Variants in ARIH1 observed in about 807,000 individuals in gnomAD.
ARIH1 encodes the protein ariadne RBR E3 ubiquitin protein ligase 1.
A neutral mutation model predicts 85.0 loss-of-function variants in ARIH1; 8 were observed. The ratio of observed to expected loss-of-function variants is 0.09; its 90% CI spans 0.06 to 0.17. The LOEUF (loss-of-function observed/expected upper bound fraction) is 0.17, where lower values mean the gene tolerates loss of function less well. ARIH1 is among the 10% of genes least tolerant of loss of function. The pLI is 1.00. For missense variants in ARIH1, 311 were observed against 718.1 expected, an observed-to-expected ratio of 0.43 and a Z score of 6.48; for synonymous variants, 238 against 253.6, an observed-to-expected ratio of 0.94 and a Z score of 0.59.
rs2064259191 is a variant in ARIH1 at position 72,573,949 on chromosome 15, T to C, written c.1215+1784T>C. On this transcript the variant is annotated intron_variant, in intron 11 of 13. Transcript: ENST00000379887. ...CTTAAGTCATATCCCACTAACTTTC[T>C]ATATATTTCTATATTTCCAACATTA... Among the ~76,000 whole-genome samples the C allele has an allele frequency of 2.0e-5, 3 of 152,250 alleles. No homozygotes were observed. The South Asian group carries it at 6.2e-4, about 31-fold the overall frequency.
intron 11 of ARIH1, among the ~76,000 whole-genome samples, chr15:72,573,338 A>G (rs766224825): frequency 1.9e-4 from 29 of 152,132 alleles, no homozygotes; most frequent in Middle Eastern, 6.3e-3. Context: ...AGGCAGGCGG[A>G]TCACCTGAGG....
chr15:72,513,074 A>T (rs2063957234), intron 1 of ARIH1, among the ~76,000 whole-genome samples: 1 of 152,090 alleles, frequency 6.6e-6, no homozygotes, highest in Non-Finnish European at 1.5e-5. Flanking sequence ...GCTGTTATGG[A>T]CAGCATAGAG....
At chr15:72,556,410 A>G (rs80081913) in intron 5 of ARIH1, among the ~76,000 whole-genome samples, 1 of 152,226 alleles carries the variant, frequency 6.6e-6, no homozygotes, top group African/African-American at 2.4e-5. Flanking sequence ...GAATACCTCA[A>G]TAAGTAGAAA....
chr15:72,568,606 G>A (rs918085075), intron 9 of ARIH1, among the ~76,000 whole-genome samples: 1 of 152,018 alleles, frequency 6.6e-6, no homozygotes, highest in African/African-American at 2.4e-5. Context: ...GGTTTTAGAA[G>A]CTTTTAAGAT....
At chr15:72,492,410 C>T (rs894987789) in intron 1 of ARIH1, among the ~76,000 whole-genome samples, 15 of 152,014 alleles carry the variant, frequency 9.9e-5, no homozygotes, top group South Asian at 4.1e-4. Context: ...TTATTTTGCT[C>T]GGTAATGAGA....
chr15:72,531,380 G>A (rs1193692663), intron 2 of ARIH1, among the ~76,000 whole-genome samples: 1 of 152,062 alleles, frequency 6.6e-6, no homozygotes, highest in East Asian at 1.9e-4. Flanking sequence ...GCATTCTAGG[G>A]CCTCAGCTTT....
At chr15:72,544,550 A>G (rs2064120669) in intron 2 of ARIH1, among the ~76,000 whole-genome samples, 2 of 151,366 alleles carry the variant, frequency 1.3e-5, no homozygotes, top group Admixed American at 1.3e-4. Context: ...TAGTTTACAT[A>G]CATACACACA....
rs2064308202 is a variant in ARIH1 at position 72,584,539 on chromosome 15, G to A, written c.*1247G>A. 1 of 152,032 alleles carries A rather than the reference G, an allele frequency of 6.6e-6. No homozygotes were observed. The highest frequency in any genetic ancestry group is 2.4e-5 in the African/African-American group (1 of 41,382). 9.4% of individuals were successfully genotyped at this position (152,032 alleles called of 1,614,324 possible). ...GAATGTTTTGCTTTAAATATAAATA[G>A]CCATTCATTTAGTCTCAGATTGTGA... On this transcript the variant is annotated 3_prime_UTR_variant, in exon 14 of 14. Transcript: ENST00000379887.
intron 2 of ARIH1, among the ~76,000 whole-genome samples, chr15:72,530,277 A>G (rs971529975): frequency 2.9e-4 from 44 of 152,350 alleles, no homozygotes; most frequent in Middle Eastern, 3.4e-3. Context: ...GAGTTTGGGA[A>G]TCAAGGGAAA....
At chr15:72,553,112 T>C (rs1275178059) in intron 3 of ARIH1, among the ~76,000 whole-genome samples, 2 of 152,212 alleles carry the variant, frequency 1.3e-5, no homozygotes, top group East Asian at 1.9e-4. Context: ...TCTGAACTTG[T>C]ACTGTTAAAG....
intron 1 of ARIH1, among the ~76,000 whole-genome samples, chr15:72,486,040 C>T (rs528379412): frequency 1.3e-5 from 2 of 152,056 alleles, no homozygotes; most frequent in Non-Finnish European, 2.9e-5. Flanking sequence ...GCTGTCAAGC[C>T]ACTTTTATAA....
intron 9 of ARIH1, among the ~76,000 whole-genome samples, chr15:72,567,866 A>G (rs1444533950): frequency 6.6e-6 from 1 of 152,152 alleles, no homozygotes; most frequent in East Asian, 1.9e-4. Context: ...TATTTTGTAC[A>G]TGTAAAGATG....
intron 9 of ARIH1, among the ~76,000 whole-genome samples, chr15:72,569,531 T>C (rs922518505): frequency 3.9e-5 from 6 of 152,334 alleles, no homozygotes; most frequent in Middle Eastern, 3.4e-3. Flanking sequence ...ACTTGACTTA[T>C]GTGACCTTGG....
rs1353561690 is a variant in ARIH1 at position 72,514,222 on chromosome 15, A to G, written c.376-3845A>G. Reference sequence around the variant, plus strand: ...AGTGAATACAGAATTCTAGCTTGATACCTTTTGATATCCTATAGGGGCCTG... The same window carrying G: ...AGTGAATACAGAATTCTAGCTTGATGCCTTTTGATATCCTATAGGGGCCTG... On this transcript the variant is annotated intron_variant, in intron 1 of 13. Transcript: ENST00000379887. Among the ~76,000 whole-genome samples the G allele has an allele frequency of 5.3e-5, 8 of 152,038 alleles. No individual in the cohort carries two copies. The South Asian group carries it at 1.5e-3, about 28-fold the overall frequency.
At chr15:72,481,080 G>C (rs949992406) in intron 1 of ARIH1, among the ~76,000 whole-genome samples, 4 of 152,230 alleles carry the variant, frequency 2.6e-5, no homozygotes, top group African/African-American at 7.2e-5. Context: ...TGCATGATGT[G>C]TGCAGGCACA....
chr15:72,489,076 A>C (rs1397970633), intron 1 of ARIH1, among the ~76,000 whole-genome samples: 2 of 151,650 alleles, frequency 1.3e-5, no homozygotes, highest in Non-Finnish European at 2.9e-5. Flanking sequence ...TTTTCTCTAC[A>C]AAAAAAATAA....
chr15:72,521,740 G>C (rs1595860149), intron 2 of ARIH1, among the ~76,000 whole-genome samples: 1 of 151,910 alleles, frequency 6.6e-6, no homozygotes, highest in African/African-American at 2.4e-5. Flanking sequence ...GTAGAGAGAG[G>C]GTTTCACCAT....
intron 2 of ARIH1, among the ~76,000 whole-genome samples, chr15:72,528,612 AG>A (rs1239965372): frequency 1.3e-5 from 2 of 152,080 alleles, no homozygotes; most frequent in Non-Finnish European, 2.9e-5. Context: ...CCAGAACTTT[AG>A]CTGACTGTGG....
intron 2 of ARIH1, among the ~76,000 whole-genome samples, chr15:72,530,482 G>C (rs778075227): frequency 6.6e-6 from 1 of 152,132 alleles, no homozygotes; most frequent in Non-Finnish European, 1.5e-5. Flanking sequence ...ATGTCTTTTG[G>C]GTAGTCCAGA....
Sources: allele counts gnomAD v4.1 joint callset (sites outside exome capture counted in the v4.1 genomes callset), GRCh38; gene constraint gnomAD v4.1.1; transcripts MANE v1.5; gene names NCBI Gene and HGNC (gene_info 2026-07-23, HGNC 2026-07-21).